The following SCLT1 variants were observed in gnomAD, a reference collection of about 807,000 sequenced individuals.
SCLT1 encodes the protein sodium channel-associated protein 1.
Under a neutral mutation model 112.8 loss-of-function variants are expected in SCLT1, and 78 were observed. The ratio of observed to expected loss-of-function variants is 0.69; its 90% CI spans 0.58 to 0.83. The LOEUF is 0.83. Among genes scored for constraint, SCLT1 ranks in the 40% least tolerant of loss-of-function variants. The pLI, the probability that SCLT1 is intolerant of heterozygous loss-of-function variation, is 0.00. For missense variants in SCLT1, 747 were observed against 770.4 expected, an observed-to-expected ratio of 0.97 and a Z score of 0.36; for synonymous variants, 257 against 254.7, an observed-to-expected ratio of 1.01 and a Z score of -0.09.
intron 2 of SCLT1, among the ~76,000 whole-genome samples, chr4:129,065,499 T>C (rs769929093): frequency 1.9e-4 from 29 of 152,086 alleles, no homozygotes; most frequent in Non-Finnish European, 4.0e-4. Context: ...GTCAATAACA[T>C]GGTTTTTGTT....
chr4:128,941,485 T>C (rs1737690044), intron 17 of SCLT1, among the ~76,000 whole-genome samples: 1 of 152,032 alleles, frequency 6.6e-6, no homozygotes, highest in Non-Finnish European at 1.5e-5. Context: ...AAATGGAGTA[T>C]CTATTTTTTT....
intron 4 of SCLT1, 142 bp downstream of exon 4, chr4:129,043,253 C>A: frequency 1.6e-6 from 1 of 618,088 alleles, no homozygotes; most frequent in Non-Finnish European, 2.9e-6. Flanking sequence ...TACATTCACA[C>A]ACATTTACAT....
chr4:129,018,807 C>T (rs1745208655), intron 5 of SCLT1, among the ~76,000 whole-genome samples: 1 of 152,068 alleles, frequency 6.6e-6, no homozygotes, highest in Non-Finnish European at 1.5e-5. Context: ...AGACCAACTA[C>T]TAAGTTAGAA....
intron 9 of SCLT1, among the ~76,000 whole-genome samples, chr4:128,982,496 T>C (rs1741746201): frequency 6.6e-6 from 1 of 152,154 alleles, no homozygotes; most frequent in South Asian, 2.1e-4. Context: ...AAGTCCTTAG[T>C]GGCTAAGTTA....
chr4:128,992,544 C>G (rs552883952), intron 8 of SCLT1, among the ~76,000 whole-genome samples: 1 of 152,020 alleles, frequency 6.6e-6, no homozygotes, highest in South Asian at 2.1e-4. Flanking sequence ...AATGTTCCAC[C>G]CTGTTCTGAG....
intron 18 of SCLT1, among the ~76,000 whole-genome samples, chr4:128,900,760 AT>A (rs1734213915): frequency 6.6e-6 from 1 of 152,170 alleles, no homozygotes; most frequent in Non-Finnish European, 1.5e-5. Flanking sequence ...ACAGGAGAAA[AT>A]TTTTGCAATC....
intron 9 of SCLT1, among the ~76,000 whole-genome samples, chr4:128,976,354 A>G (rs1157848206): frequency 6.6e-6 from 1 of 152,180 alleles, no homozygotes; most frequent in East Asian, 1.9e-4. Context: ...TCTTTTGTAA[A>G]CGATGATTAC....
intron 5 of SCLT1, among the ~76,000 whole-genome samples, chr4:129,022,717 ACT>A (rs1176840757): frequency 6.6e-6 from 1 of 152,116 alleles, no homozygotes; most frequent in Admixed American, 6.5e-5. Context: ...GTCAGAAAAC[ACT>A]CTTCAGGATA....
chr4:129,019,870 C>T (rs781322216), intron 5 of SCLT1, among the ~76,000 whole-genome samples: 4 of 149,418 alleles, frequency 2.7e-5, no homozygotes, highest in Non-Finnish European at 6.0e-5. Flanking sequence ...ATTAATCATA[C>T]ACATTTTTTT....
At chr4:129,082,881 G>C (rs1220715405) in intron 1 of SCLT1, among the ~76,000 whole-genome samples, 3 of 152,120 alleles carry the variant, frequency 2.0e-5, no homozygotes, top group Non-Finnish European at 4.4e-5. Flanking sequence ...CCAGAATAAA[G>C]GTGAGAGGTC....
At chr4:128,878,908 T>TA (rs201703122) in intron 3 of SCLT1, among the ~76,000 whole-genome samples, 1,982 of 149,502 alleles carry the variant, frequency 0.013, 46 homozygotes, top group African/African-American at 0.046. Flanking sequence ...TTTAGGGCTA[T>TA]ATACATAATC....
rs147184123 is a variant in SCLT1 at position 129,035,123 on chromosome 4, T to C, written c.290+3918A>G. 4.5e-4 allele frequency among the ~76,000 whole-genome samples: 68 copies of C among 152,270 alleles called. 1 individual carries two copies. Among genetic ancestry groups the C allele is most frequent in the African/African-American group, 1.6e-3 (65 of 41,570 alleles). ...ACCTAATATTAAGTTGGAAGGTATATAGTTCCAGATTTGCTTCAGTAGCTC... is the reference window on the plus strand; with the variant it reads ...ACCTAATATTAAGTTGGAAGGTATACAGTTCCAGATTTGCTTCAGTAGCTC... On this transcript the variant is annotated intron_variant, in intron 5 of 20. Coordinates refer to ENST00000281142, the MANE Select transcript of SCLT1 (RefSeq NM_144643.4).
intron 6 of SCLT1, among the ~76,000 whole-genome samples, chr4:129,000,262 T>C (rs938063341): frequency 6.6e-6 from 1 of 151,984 alleles, no homozygotes; most frequent in African/African-American, 2.4e-5. Flanking sequence ...TAATAAATAT[T>C]GCTAATATCT....
At chr4:128,956,303 A>C (rs1270683106) in intron 13 of SCLT1, among the ~76,000 whole-genome samples, 1 of 152,066 alleles carries the variant, frequency 6.6e-6, no homozygotes, top group African/African-American at 2.4e-5. Flanking sequence ...AAAAGTATAA[A>C]GTTTATTAAT....
At chr4:129,079,907 C>T (rs1751791864) in intron 2 of SCLT1, among the ~76,000 whole-genome samples, 1 of 152,244 alleles carries the variant, frequency 6.6e-6, no homozygotes. Flanking sequence ...GCCCTCTGTG[C>T]ACCCACAGGC....
intron 18 of SCLT1, among the ~76,000 whole-genome samples, chr4:128,929,608 T>G (rs1270424996): frequency 1.3e-5 from 2 of 152,052 alleles, no homozygotes; most frequent in African/African-American, 4.8e-5. Flanking sequence ...AAAGGTATAA[T>G]AAATAAGACA....
Position 129,093,536 on chromosome 4 carries a change from A to T in SCLT1, c.-433T>A, listed in dbSNP as rs1178120718. The T allele has an allele frequency of 5.8e-6, 1 of 172,974 alleles. No homozygotes were observed. Among genetic ancestry groups the T allele is most frequent in the Non-Finnish European group, 1.2e-5 (1 of 80,564 alleles). The allele number at this position is 172,974 out of a possible 1,614,324, so 10.7% of individuals were successfully genotyped here. Reference sequence around the variant, plus strand: ...TGGGAAGCCCCAGGCCAGCAGCGGAAGTCCACTCGGCCCGCCCTGCGACTT... The same window carrying T: ...TGGGAAGCCCCAGGCCAGCAGCGGATGTCCACTCGGCCCGCCCTGCGACTT... On this transcript the variant is annotated 5_prime_UTR_variant, in exon 1 of 21. Transcript: ENST00000281142.
At position 129,093,100 on chromosome 4, in the gene SCLT1, C is replaced by A; in HGVS notation, c.4G>T (p.Ala2Ser). The A allele has an allele frequency of 9.9e-6, 16 of 1,613,478 alleles. No homozygotes were observed. The highest frequency in any genetic ancestry group is 1.3e-5 in the Non-Finnish European group (15 of 1,179,344). The change falls in exon 1 of 21, where the codon GCT (alanine) becomes TCT (serine). Residue 2 changes from alanine to serine, a missense_variant. Around this residue, in one of 2 missense-constraint regions of SCLT1, gnomAD observed 723 missense variants for 721.3 expected, o/e 1.00. Transcript: ENST00000281142. M[A>S]AEIDFLREQN... ...TCTCTCAGAAAGTCGATTTCTGCAGCCATTTCGATACAATTTTAGTTTAGA... is the reference window on the plus strand; with the variant it reads ...TCTCTCAGAAAGTCGATTTCTGCAGACATTTCGATACAATTTTAGTTTAGA...
At chr4:129,091,386 A>C (rs892700796) in intron 1 of SCLT1, among the ~76,000 whole-genome samples, 3 of 151,920 alleles carry the variant, frequency 2.0e-5, no homozygotes, top group Non-Finnish European at 4.4e-5. Flanking sequence ...TTTTTAAAAA[A>C]ATGTTACTAT....
Sources: gnomAD v4.1 joint callset for allele counts (sites outside exome capture counted in the v4.1 genomes callset) on GRCh38, gnomAD v4.1.1 for gene constraint, gnomAD v4.1.1 regional missense constraint, MANE v1.5 for transcripts, NCBI Gene and HGNC (gene_info 2026-07-23, HGNC 2026-07-21) for gene names.